The following PEAR1 variants were observed in gnomAD, a reference collection of about 807,000 sequenced individuals.
The protein encoded by PEAR1 is multiple EGF-like domains protein 12.
PEAR1 carries 113 observed loss-of-function variants against 131.2 expected under a neutral mutation model. The observed-to-expected ratio is 0.86, with a 90% CI of 0.74 to 1.01. PEAR1 has a LOEUF of 1.01. Ranked by LOEUF, PEAR1 falls within the 50% of genes least tolerant of loss-of-function variation. The probability of loss-of-function intolerance (pLI) is 0.00; values close to 1 mark genes in which losing one functional copy is unlikely to be tolerated. For missense variants in PEAR1, 1,408 were observed against 1,391.1 expected (o/e 1.01, Z -0.19); for synonymous variants, 565 against 523.3 (o/e 1.08, Z -1.09).
intron 1 of PEAR1, among the ~76,000 whole-genome samples, chr1:156,899,731 G>A (rs577600903): frequency 6.6e-5 from 10 of 151,978 alleles, no homozygotes; most frequent in African/African-American, 2.4e-4. Context: ...TCTGCACAGC[G>A]ACCCTACAAA....
chr1:156,901,736 A>G (rs1649700148), intron 1 of PEAR1, among the ~76,000 whole-genome samples: 2 of 152,116 alleles, frequency 1.3e-5, no homozygotes, highest in African/African-American at 2.4e-5. Context: ...GCAGAGGCAT[A>G]TGGAGGGCTC....
intron 3 of PEAR1, 188 bp from the exon 4 acceptor site, chr1:156,905,136 C>T: frequency 1.7e-6 from 2 of 1,175,284 alleles, no homozygotes; most frequent in Admixed American, 2.1e-5. Flanking sequence ...CAAGGTCTCG[C>T]TCTGTCACCC....
rs781108754 is a variant in PEAR1, at chr1:156,905,407, GCAGGGGGTTCTGTGTCCGTGAGTC to G, written c.296_307+12del. The G allele has an allele frequency of 6.2e-7, 1 of 1,606,074 alleles. No individual in the cohort carries two copies. The highest frequency in any genetic ancestry group is 1.1e-5 in the South Asian group (1 of 90,162). ...CAGTGCTGCCATGGCTTCTATGAGA[GCAGGGGGTTCTGTGTCCGTGAGTC>G]CAGGGTTGGGTTAGGGAGCGGGGTG... On this transcript the variant is annotated splice_donor_variant and splice_donor_5th_base_variant and coding_sequence_variant and intron_variant, in exon 4 of 23. Transcript: ENST00000292357. LOFTEE classifies it high-confidence loss of function.
rs774589467 is a variant in PEAR1 at position 156,910,240 on chromosome 1, G to A, written c.1685G>A (p.Arg562His). Reference protein sequence around the residue: ...CQCQAGWMGARCHLSCPEGLW... With the variant: ...CQCQAGWMGAHCHLSCPEGLW... ...CGACTGCTGTCTCCCACAGGTGCCC[G>A]CTGCCACCTGTCCTGCCCTGAGGGC... The change falls in exon 14 of 23, where the codon CGC (arginine) becomes CAC (histidine). Residue 562 changes from arginine to histidine, a missense_variant. By Grantham distance (29) the Arg-to-His change is conservative (BLOSUM62 0). Coordinates refer to ENST00000292357, the MANE Select transcript of PEAR1 (RefSeq NM_001080471.3). The A allele has an allele frequency of 6.8e-6, 11 of 1,609,836 alleles. No individual in the cohort carries two copies. The highest frequency in any genetic ancestry group is 4.0e-5 in the African/African-American group (3 of 74,836).
intron 5 of PEAR1, 38 bp from the exon 6 acceptor site, chr1:156,906,599 A>G (rs1366535852): frequency 1.2e-6 from 2 of 1,612,218 alleles, no homozygotes; most frequent in Admixed American, 1.7e-5. Context: ...GATGGACTAG[A>G]CCCCTGGTGA....
chr1:156,910,904 C>T (rs1255532707), intron 15 of PEAR1, among the ~76,000 whole-genome samples, 161 bp downstream of exon 15: 2 of 152,168 alleles, frequency 1.3e-5, no homozygotes, highest in African/African-American at 4.8e-5. Flanking sequence ...GTTCTAGGTG[C>T]TAAGGATGCA....
chr1:156,905,244 TTCCCTG>T, intron 3 of PEAR1, 74 bp from the exon 4 acceptor site: 5 of 1,439,604 alleles, frequency 3.5e-6, no homozygotes, highest in South Asian at 2.4e-5. Context: ...GTGGTGCCCC[TTCCCTG>T]GCCTCCCCCT....
chr1:156,904,506 C>G (rs937250780), intron 2 of PEAR1, among the ~76,000 whole-genome samples: 1 of 152,150 alleles, frequency 6.6e-6, no homozygotes, highest in South Asian at 2.1e-4. Flanking sequence ...ATGGAAGGCT[C>G]CGGTCCAATA....
At chr1:156,907,374 G>A (rs749613117) in intron 6 of PEAR1, among the ~76,000 whole-genome samples, 2 of 152,218 alleles carry the variant, frequency 1.3e-5, no homozygotes, top group Non-Finnish European at 1.5e-5. Context: ...GGGGGCGCCC[G>A]AGAGGCAGAC....
intron 1 of PEAR1, among the ~76,000 whole-genome samples, chr1:156,895,159 C>T (rs1286756600): frequency 6.6e-6 from 1 of 152,248 alleles, no homozygotes; most frequent in Admixed American, 6.5e-5. Flanking sequence ...TCTCTCTCCA[C>T]TGGAGGATGA....
rs753691896 is a variant in PEAR1 at position 156,908,883 on chromosome 1, GGCC to G, written c.1291-29_1291-27del. 38 of 1,609,918 alleles carry G rather than the reference GGCC, an allele frequency of 2.4e-5. No individual in the cohort carries two copies. Among genetic ancestry groups the G allele is most frequent in the Non-Finnish European group, 3.1e-5 (37 of 1,179,540 alleles). On this transcript the variant is annotated intron_variant, in intron 10 of 22. Coordinates refer to ENST00000292357, the MANE Select transcript of PEAR1 (RefSeq NM_001080471.3). This position sits in a 1 kb window ranked among gnomAD's most constrained non-coding sequence, Gnocchi z 4.2. The stretch of plus-strand genomic sequence containing the variant: ...AGGCAGGTGGAGAGGCCAAGGAATG[GGCC>G]GCCCCTCTCACCCGCTCACCCTCTT...
At chr1:156,907,811 G>C (rs2102998620) in intron 7 of PEAR1, 81 bp downstream of exon 7, 1 of 1,568,814 alleles carries the variant, frequency 6.4e-7, no homozygotes, top group Non-Finnish European at 8.7e-7. Context: ...GCTCCAAGGT[G>C]AGTGAGGGGG....
In PEAR1 at chr1:156,909,751, G is replaced by A; in HGVS notation, c.1412G>A (p.Gly471Asp). ...PIDGECVCKE[G>D]WQRGNCSVPC... is the part of the protein sequence containing the mutation. ...CCTACCTACCAGGCCCCTCCTCCAG[G>A]TTGGCAGCGTGGTAACTGCTCTGTG... Residue 471 changes from glycine (G) to aspartate (D), a missense_variant and splice_region_variant, in exon 12 of 23, where the codon GGT (glycine) becomes GAT (aspartate). Coordinates refer to ENST00000292357, the MANE Select transcript of PEAR1 (RefSeq NM_001080471.3). 20 of 1,598,742 alleles carry A rather than the reference G, an allele frequency of 1.3e-5. No individual in the cohort carries two copies. Among genetic ancestry groups the A allele is most frequent in the Non-Finnish European group, 1.6e-5 (19 of 1,169,538 alleles).
chr1:156,901,114 C>G (rs1351336801), intron 1 of PEAR1, among the ~76,000 whole-genome samples: 1 of 152,232 alleles, frequency 6.6e-6, no homozygotes, highest in Non-Finnish European at 1.5e-5. Context: ...CTGTCCCCTC[C>G]CGGGGCCACC....
chr1:156,915,835 C>T lies in PEAR1; in HGVS notation c.*1037C>T, dbSNP rs1651815976. ...CAGAGTAGGCACTCAACAAATGCTC[C>T]CCAAAAGGCTGAGTGGCTGACTGAA... On this transcript the variant is annotated 3_prime_UTR_variant, in exon 23 of 23. Transcript: ENST00000292357. 1 of 152,240 alleles carries T rather than the reference C, an allele frequency of 6.6e-6. No individual in the cohort carries two copies. The highest frequency in any genetic ancestry group is 1.5e-5 in the Non-Finnish European group (1 of 68,056). The allele number at this position is 152,240 out of a possible 1,614,324, so 9.4% of individuals were successfully genotyped here.
In PEAR1 at chr1:156,913,187, C is replaced by T. The variant is rs1422055651; in HGVS notation, c.2423-7C>T. The T allele has an allele frequency of 2.5e-6, 4 of 1,612,720 alleles. No individual in the cohort carries two copies. The highest frequency in any genetic ancestry group is 3.4e-6 in the Non-Finnish European group (4 of 1,179,218). ...GAGCTCACCCTGTGCTTGTGTCTGT[C>T]ATGCAGATGTCCCTCCGAGCTACAG... On this transcript the variant is annotated splice_polypyrimidine_tract_variant and splice_region_variant and intron_variant, in intron 18 of 22. Coordinates refer to ENST00000292357, the MANE Select transcript of PEAR1 (RefSeq NM_001080471.3).
chr1:156,910,232 A>G lies in PEAR1; in HGVS notation c.1679-2A>G. 6.2e-7 allele frequency: 1 copy of G among 1,610,146 alleles called. No homozygotes were observed. The highest frequency in any genetic ancestry group is 1.1e-5 in the South Asian group (1 of 90,668). ...GGCACACCCGACTGCTGTCTCCCACAGGTGCCCGCTGCCACCTGTCCTGCC... is the reference window on the plus strand; with the variant it reads ...GGCACACCCGACTGCTGTCTCCCACGGGTGCCCGCTGCCACCTGTCCTGCC... On this transcript the variant is annotated splice_acceptor_variant, in intron 13 of 22. Coordinates refer to ENST00000292357, the MANE Select transcript of PEAR1 (RefSeq NM_001080471.3). LOFTEE classifies it high-confidence loss of function.
intron 1 of PEAR1, among the ~76,000 whole-genome samples, chr1:156,901,269 G>T (rs1649655190): frequency 6.6e-6 from 1 of 152,212 alleles, no homozygotes; most frequent in Admixed American, 6.5e-5. Context: ...CAGCCAGCCA[G>T]AAGTGGGTGG....
rs528435112 is a variant in PEAR1, at chr1:156,914,040, C to T, written c.2902C>T (p.Arg968Trp). The stretch of plus-strand genomic sequence containing the variant: ...TCAGTTCTGGGACAGCCAGAGGCGG[C>T]GGCAACCCCAGCCACAGAGAGACAG... ...PPQFWDSQRR[R>W]QPQPQRDSGT... Residue 968 changes from arginine to tryptophan, a missense_variant, in exon 22 of 23, where the codon CGG becomes TGG. By Grantham distance (101) the Arg-to-Trp change is moderately radical (BLOSUM62 -3). Transcript: ENST00000292357. 3.9e-5 allele frequency: 63 copies of T among 1,608,644 alleles called. No individual in the cohort carries two copies. The South Asian group carries it at 4.4e-4, about 11-fold the overall frequency.
Sources: gnomAD v4.1 joint callset for allele counts (sites outside exome capture counted in the v4.1 genomes callset) on GRCh38, gnomAD v4.1.1 for gene constraint, Gnocchi (gnomAD v3.1) non-coding constraint, MANE v1.5 for transcripts, NCBI Gene and HGNC (gene_info 2026-07-23, HGNC 2026-07-21) for gene names.